Variants in PIK3AP1 observed in about 807,000 individuals in gnomAD.
PIK3AP1 encodes phosphoinositide-3-kinase adaptor protein 1.
A neutral mutation model predicts 88.1 loss-of-function variants in PIK3AP1; 21 were observed. That is an observed-to-expected ratio of 0.24 (90% CI 0.17 to 0.34). The LOEUF (loss-of-function observed/expected upper bound fraction) is 0.34, where lower values mean the gene tolerates loss of function less well. Ranked by LOEUF, PIK3AP1 falls within the 10% of genes least tolerant of loss-of-function variation. PIK3AP1 has a pLI of 1.00. For missense variants in PIK3AP1, 828 were observed against 1,035.7 expected (o/e 0.80, Z 2.75); for synonymous variants, 398 against 400.0 (o/e 1.00, Z 0.06).
At chr10:96,677,085 G>A (rs972501117) in intron 2 of PIK3AP1, among the ~76,000 whole-genome samples, 1 of 152,082 alleles carries the variant, frequency 6.6e-6, no homozygotes, top group African/African-American at 2.4e-5. Context: ...TTTCTCCACT[G>A]GTCCTCCAAG....
At chr10:96,615,046 A>G (rs1849191200) in intron 13 of PIK3AP1, among the ~76,000 whole-genome samples, 1 of 152,098 alleles carries the variant, frequency 6.6e-6, no homozygotes, top group African/African-American at 2.4e-5. Context: ...AAGGCCTCTG[A>G]TGAGGAGATG....
chr10:96,693,329 A>G (rs185461199), intron 2 of PIK3AP1, among the ~76,000 whole-genome samples: 1 of 152,182 alleles, frequency 6.6e-6, no homozygotes, highest in African/African-American at 2.4e-5. Context: ...ATTCTGTTAA[A>G]GGGACAATAA....
At position 96,675,218 on chromosome 10, in the gene PIK3AP1, G is replaced by A. The variant is rs1335010867; in HGVS notation, c.431-18284C>T. Among the ~76,000 whole-genome samples, 3 of 143,310 alleles carry A rather than the reference G, an allele frequency of 2.1e-5. No individual in the cohort carries two copies. The Admixed American group carries it at 2.2e-4, about 11-fold the overall frequency. 94.0% of individuals were successfully genotyped at this position (143,310 alleles called of 152,430 possible). A position where few individuals can be genotyped will look rare whatever the true frequency, so the allele number is the denominator to read the frequency against. ...ATATAAGGATTTTGTCAGGGAAAGT[G>A]CCTGGGAAGGAAAATGGGGAGGGAG... On this transcript the variant is annotated intron_variant, in intron 2 of 16. Transcript: ENST00000339364.
chr10:96,658,842 C>A (rs72821014), intron 2 of PIK3AP1, among the ~76,000 whole-genome samples: 1 of 151,662 alleles, frequency 6.6e-6, no homozygotes, highest in African/African-American at 2.4e-5. Context: ...GAGTGTTCTA[C>A]GCAAGGCGAT....
intron 2 of PIK3AP1, among the ~76,000 whole-genome samples, chr10:96,685,102 C>T (rs1844051676): frequency 6.6e-6 from 1 of 152,196 alleles, no homozygotes; most frequent in African/African-American, 2.4e-5. Context: ...ACTTATACTG[C>T]TTTTGAAAAA....
intron 13 of PIK3AP1, among the ~76,000 whole-genome samples, chr10:96,610,094 G>A (rs1462027787): frequency 6.6e-6 from 1 of 152,130 alleles, no homozygotes; most frequent in East Asian, 1.9e-4. Context: ...ACTGAAGAGA[G>A]GAATAGAATA....
At chr10:96,657,225 C>G (rs1039985142) in intron 2 of PIK3AP1, among the ~76,000 whole-genome samples, 1 of 152,120 alleles carries the variant, frequency 6.6e-6, no homozygotes, top group Non-Finnish European at 1.5e-5. Context: ...TTTCCGGAAG[C>G]TTTACCTGCA....
intron 2 of PIK3AP1, among the ~76,000 whole-genome samples, chr10:96,661,363 G>A (rs1295411347): frequency 6.6e-6 from 1 of 152,170 alleles, no homozygotes; most frequent in Non-Finnish European, 1.5e-5. Context: ...CTATACTGGT[G>A]GGTGCATGTT....
intron 2 of PIK3AP1, among the ~76,000 whole-genome samples, chr10:96,675,870 AG>A (rs1843911069): frequency 6.6e-6 from 1 of 152,216 alleles, no homozygotes; most frequent in Non-Finnish European, 1.5e-5. Context: ...ACCTAAGAAC[AG>A]CCCCCACTGT....
At chr10:96,632,990 T>C in intron 8 of PIK3AP1, 1 of 1,612,802 alleles carries the variant, frequency 6.2e-7, no homozygotes, top group African/African-American at 1.3e-5. Flanking sequence ...AGCCAGTCCT[T>C]GCATCTGATC....
At chr10:96,646,478 G>A (rs1430703219) in intron 7 of PIK3AP1, among the ~76,000 whole-genome samples, 2 of 152,104 alleles carry the variant, frequency 1.3e-5, no homozygotes, top group African/African-American at 2.4e-5. Context: ...CACCCTAGTG[G>A]TTCCTCCAAA....
chr10:96,642,297 A>G (rs1438809511), intron 8 of PIK3AP1, among the ~76,000 whole-genome samples: 1 of 152,008 alleles, frequency 6.6e-6, no homozygotes, highest in African/African-American at 2.4e-5. Flanking sequence ...ATGGTGGTTC[A>G]CACCTGTAGT....
At chr10:96,682,364 G>A (rs1844014961) in intron 2 of PIK3AP1, among the ~76,000 whole-genome samples, 1 of 152,022 alleles carries the variant, frequency 6.6e-6, no homozygotes, top group Admixed American at 6.6e-5. Flanking sequence ...AGATGGCTGA[G>A]TCCAGCTCCT....
chr10:96,712,217 G>T (rs1000426702), intron 1 of PIK3AP1, among the ~76,000 whole-genome samples: 1 of 152,146 alleles, frequency 6.6e-6, no homozygotes, highest in Non-Finnish European at 1.5e-5. Context: ...TTTTTGAAGG[G>T]AAGGTGTACA....
chr10:96,710,575 T>TC (rs888394949), intron 1 of PIK3AP1, among the ~76,000 whole-genome samples: 1 of 151,744 alleles, frequency 6.6e-6, no homozygotes, highest in Non-Finnish European at 1.5e-5. Context: ...GCATGCACCT[T>TC]CCCCCCACAC....
chr10:96,675,844 T>C (rs1843910880), intron 2 of PIK3AP1, among the ~76,000 whole-genome samples: 1 of 152,138 alleles, frequency 6.6e-6, no homozygotes, highest in Non-Finnish European at 1.5e-5. Context: ...ACAAAGTACT[T>C]CTATTAGCAG....
intron 13 of PIK3AP1, among the ~76,000 whole-genome samples, chr10:96,613,507 G>A (rs1040706849): frequency 3.9e-5 from 6 of 152,110 alleles, no homozygotes; most frequent in African/African-American, 1.4e-4. Flanking sequence ...TAAAGCCCCT[G>A]ATATAAGAAG....
intron 2 of PIK3AP1, among the ~76,000 whole-genome samples, chr10:96,697,864 GA>G (rs1284953963): frequency 2.0e-5 from 3 of 151,900 alleles, no homozygotes; most frequent in Admixed American, 6.6e-5. Flanking sequence ...ATCCTTTCAG[GA>G]AAAAAAGTAA....
chr10:96,654,744 G>A (rs1374299929), intron 3 of PIK3AP1, among the ~76,000 whole-genome samples: 2 of 152,336 alleles, frequency 1.3e-5, no homozygotes, highest in African/African-American at 2.4e-5. Context: ...AGAGGAGAGT[G>A]AAGGAGATAA....
Sources: allele counts gnomAD v4.1 joint callset (sites outside exome capture counted in the v4.1 genomes callset), GRCh38; gene constraint gnomAD v4.1.1; transcripts MANE v1.5; gene names NCBI Gene and HGNC (gene_info 2026-07-23, HGNC 2026-07-21).